MAP4K5: variants seen among roughly 807,000 people sequenced by gnomAD.
MAP4K5 encodes the protein mitogen-activated protein kinase kinase kinase kinase 5.
Under a neutral mutation model 135.6 loss-of-function variants are expected in MAP4K5, and 82 were observed. The observed-to-expected ratio is 0.60, with a 90% CI of 0.51 to 0.73. The LOEUF (loss-of-function observed/expected upper bound fraction) is 0.73. Ranked by LOEUF, MAP4K5 falls within the 30% of genes least tolerant of loss-of-function variation. The pLI is 0.00. For synonymous variants in MAP4K5, 347 were observed against 335.0 expected, an observed-to-expected ratio of 1.04 and a Z score of -0.39; for missense variants, 907 against 1,010.9, an observed-to-expected ratio of 0.90 and a Z score of 1.39.
At chr14:50,487,966 A>C (rs2037403552) in intron 3 of MAP4K5, among the ~76,000 whole-genome samples, 1 of 152,188 alleles carries the variant, frequency 6.6e-6, no homozygotes, top group African/African-American at 2.4e-5. Flanking sequence ...AAGAAGAGTA[A>C]AGCAGCACAT....
intron 2 of MAP4K5, among the ~76,000 whole-genome samples, chr14:50,525,704 G>C (rs2038249486): frequency 6.6e-6 from 1 of 152,082 alleles, no homozygotes; most frequent in Non-Finnish European, 1.5e-5. Flanking sequence ...GAAATTAACT[G>C]GGCATGGCAG....
At chr14:50,549,911 G>A (rs887386426) in intron 1 of MAP4K5, among the ~76,000 whole-genome samples, 2 of 152,208 alleles carry the variant, frequency 1.3e-5, no homozygotes, top group African/African-American at 2.4e-5. Context: ...GAATGGGCCT[G>A]TAAAATATGC....
chr14:50,461,817 G>A (rs965601227), intron 13 of MAP4K5, among the ~76,000 whole-genome samples: 1 of 151,990 alleles, frequency 6.6e-6, no homozygotes, highest in African/African-American at 2.4e-5. Context: ...TACTCAGGAG[G>A]CTGAGGCAGG....
chr14:50,435,334 G>GT (rs1186800922), intron 26 of MAP4K5, among the ~76,000 whole-genome samples: 1 of 151,976 alleles, frequency 6.6e-6, no homozygotes, highest in Non-Finnish European at 1.5e-5. Flanking sequence ...CTAAAAAGGT[G>GT]TTTTTTTCCC....
intron 2 of MAP4K5, among the ~76,000 whole-genome samples, chr14:50,539,533 C>T (rs1485685508): frequency 2.0e-5 from 3 of 152,172 alleles, no homozygotes; most frequent in African/African-American, 7.2e-5. Context: ...GTTAATTAAA[C>T]GTGAGACCCA....
intron 2 of MAP4K5, among the ~76,000 whole-genome samples, chr14:50,539,375 G>A (rs1347002106): frequency 6.6e-6 from 1 of 152,198 alleles, no homozygotes; most frequent in Non-Finnish European, 1.5e-5. Flanking sequence ...AAGACAAATA[G>A]CTTTGGGTTC....
intron 9 of MAP4K5, among the ~76,000 whole-genome samples, chr14:50,471,594 T>C (rs1342498660): frequency 6.6e-6 from 1 of 152,070 alleles, no homozygotes; most frequent in African/African-American, 2.4e-5. Context: ...GTAAGAAATG[T>C]GATAAAGCCC....
At chr14:50,451,301 T>C (rs1331668478) in intron 14 of MAP4K5, among the ~76,000 whole-genome samples, 1 of 151,330 alleles carries the variant, frequency 6.6e-6, no homozygotes, top group East Asian at 1.9e-4. Flanking sequence ...AAGAGTGTAG[T>C]GGGAGTACAA....
chr14:50,443,749 G>C lies in MAP4K5; in HGVS notation c.1459C>G (p.Pro487Ala). The change falls in exon 20 of 33, where the codon CCA (proline) becomes GCA (alanine). Residue 487 changes from proline (P) to alanine (A), a missense_variant. Around this residue, in one of 3 missense-constraint regions of MAP4K5, gnomAD observed 690 missense variants for 777.4 expected, o/e 0.89. Coordinates refer to ENST00000682126, the MANE Select transcript of MAP4K5 (RefSeq NM_006575.6). ...DFPKPAINGL[P>A]PTPKVLMGAC... ...CTTACCAGAACTTTTGGGGTGGGTGGAAGGCCATTGATGGCTGGTTTCTAT... is the reference window on the plus strand; with the variant it reads ...CTTACCAGAACTTTTGGGGTGGGTGCAAGGCCATTGATGGCTGGTTTCTAT... The C allele has an allele frequency of 6.3e-7, 1 of 1,599,676 alleles. No homozygotes were observed. Among genetic ancestry groups the C allele is most frequent in the Non-Finnish European group, 8.5e-7 (1 of 1,176,028 alleles).
chr14:50,486,694 G>A (rs1259775108), intron 3 of MAP4K5, among the ~76,000 whole-genome samples: 1 of 152,122 alleles, frequency 6.6e-6, no homozygotes, highest in Non-Finnish European at 1.5e-5. Flanking sequence ...ACCTTGGGAG[G>A]CCGAGGTGGG....
intron 1 of MAP4K5, among the ~76,000 whole-genome samples, chr14:50,544,303 T>C (rs2038600972): frequency 1.3e-5 from 2 of 152,198 alleles, no homozygotes; most frequent in South Asian, 4.1e-4. Flanking sequence ...ACTACCCTCT[T>C]TTCTCTGTCC....
intron 2 of MAP4K5, among the ~76,000 whole-genome samples, chr14:50,530,917 A>G (rs2038372238): frequency 6.6e-6 from 1 of 152,258 alleles, no homozygotes; most frequent in African/African-American, 2.4e-5. Context: ...GTGCAAAACA[A>G]CAACCTAACC....
intron 3 of MAP4K5, among the ~76,000 whole-genome samples, chr14:50,489,094 A>T (rs997830588): frequency 6.6e-6 from 1 of 152,224 alleles, no homozygotes; most frequent in African/African-American, 2.4e-5. Context: ...TTCCACTGAG[A>T]TGTGGCATAA....
intron 9 of MAP4K5, among the ~76,000 whole-genome samples, chr14:50,474,722 A>G (rs1566664841): frequency 6.6e-6 from 1 of 152,216 alleles, no homozygotes; most frequent in Non-Finnish European, 1.5e-5. Context: ...CATCCTGCAC[A>G]TGTACCCTGC....
At chr14:50,479,313 T>G (rs1464667511) in intron 6 of MAP4K5, among the ~76,000 whole-genome samples, 1 of 152,142 alleles carries the variant, frequency 6.6e-6, no homozygotes. Context: ...AAAAAATTAC[T>G]TTTTCTTTCC....
chr14:50,555,335 G>A (rs1315294466), intron 1 of MAP4K5, among the ~76,000 whole-genome samples: 9 of 152,226 alleles, frequency 5.9e-5, no homozygotes, highest in Non-Finnish European at 2.9e-5. Flanking sequence ...AGGCTGGAGT[G>A]CAGTGGCGTG....
intron 3 of MAP4K5, among the ~76,000 whole-genome samples, chr14:50,490,491 C>CT (rs552810110): frequency 8.3e-4 from 127 of 152,224 alleles, no homozygotes; most frequent in African/African-American, 3.0e-3. Context: ...ACCACTAGAG[C>CT]AATGATCACA....
chr14:50,504,986 T>C (rs980588234), intron 2 of MAP4K5, 129 bp from the exon 3 acceptor site: 3 of 555,552 alleles, frequency 5.4e-6, no homozygotes, highest in Non-Finnish European at 9.0e-6. Context: ...ATATTTCCAA[T>C]AAAATGCTGA....
Position 50,434,557 on chromosome 14 carries a change from A to G in MAP4K5, c.2001T>C (p.Pro667=), listed in dbSNP as rs1419878576. ...KFMLIKHFDF[P]LPSPLNVFEM... Reference sequence around the variant, plus strand: ...CAAAAACATTCAAAGGACTTGGCAAAGGAAAATCAAAGTGCTGCAAAAAAA... The same window carrying G: ...CAAAAACATTCAAAGGACTTGGCAAGGGAAAATCAAAGTGCTGCAAAAAAA... Residue 667 remains proline (P), a synonymous_variant, in exon 28 of 33, where the codon CCT becomes CCC. Transcript: ENST00000682126. 6.3e-7 allele frequency: 1 copy of G among 1,588,266 alleles called. No individual in the cohort carries two copies. Among genetic ancestry groups the G allele is most frequent in the South Asian group, 1.1e-5 (1 of 87,028 alleles).
Sources: gnomAD v4.1 joint callset for allele counts (sites outside exome capture counted in the v4.1 genomes callset) on GRCh38, gnomAD v4.1.1 for gene constraint, gnomAD v4.1.1 regional missense constraint, MANE v1.5 for transcripts, NCBI Gene and HGNC (gene_info 2026-07-23, HGNC 2026-07-21) for gene names.